TTN: variants seen among roughly 807,000 people sequenced by gnomAD.
TTN encodes titin.
TTN carries 1,525 observed loss-of-function variants against 3,223.0 expected under a neutral mutation model. That is an observed-to-expected ratio of 0.47 (90% CI 0.45 to 0.49). TTN has a LOEUF of 0.49. Ranked by LOEUF, TTN falls within the 20% of genes least tolerant of loss-of-function variation. TTN has a pLI of 0.00. For synonymous variants in TTN, 14,094 were observed against 15,161.0 expected (o/e 0.93, Z 5.17); for missense variants, 40,786 against 43,424.0 (o/e 0.94, Z 5.40).
At chr2:178,644,383 A>G (rs2154241879) in intron 218 of TTN, 165 bp downstream of exon 218, 1 of 514,642 alleles carries the variant, frequency 1.9e-6, no homozygotes, top group East Asian at 3.5e-5. Context: ...AAAGGAAGCA[A>G]CACTCATGAG....
At position 178,572,891 on chromosome 2, in the gene TTN, G is replaced by C. The variant is rs769320646; in HGVS notation, c.73241C>G (p.Pro24414Arg). The C allele has an allele frequency of 1.9e-6, 3 of 1,613,400 alleles. No individual in the cohort carries two copies. The highest frequency in any genetic ancestry group is 2.5e-6 in the Non-Finnish European group (3 of 1,179,594). The change falls in exon 326 of 363, where the codon CCT becomes CGT. Residue 24414 changes from proline (P) to arginine (R), a missense_variant. Coordinates refer to ENST00000589042, the MANE Select transcript of TTN (RefSeq NM_001267550.2). ...TCTGTCTTCAGCCTTTGGAGTTCCA[G>C]GAACAAGGGCAGGTTCCCCAAGTCC... ...SEGLGEPALVPGTPKAEDRML... is the reference protein window; with the variant it reads ...SEGLGEPALVRGTPKAEDRML...
chr2:178,735,056 A>G (rs2081212912), intron 50 of TTN, 68 bp from the exon 51 acceptor site: 7 of 1,448,392 alleles, frequency 4.8e-6, no homozygotes, highest in Non-Finnish European at 6.4e-6. Context: ...AAAGAAAAGT[A>G]GACATATACA....
In TTN at chr2:178,601,185, TAAAG is replaced by T. The variant is rs761055861; in HGVS notation, c.55733-18_55733-15del. 1.4e-5 allele frequency: 21 copies of T among 1,520,986 alleles called. No individual in the cohort carries two copies. In the East Asian group the frequency reaches 4.6e-4, roughly 33 times the overall value. 94.2% of individuals were successfully genotyped at this position (1,520,986 alleles called of 1,614,324 possible). On this transcript the variant is annotated splice_polypyrimidine_tract_variant and intron_variant, in intron 287 of 362. Coordinates refer to ENST00000589042, the MANE Select transcript of TTN (RefSeq NM_001267550.2). The stretch of plus-strand genomic sequence containing the variant: ...GATCAGGAGGATCTGTAAAAATAAT[TAAAG>T]GAAGTATTAAGCGTTGTTTATAATA...
At position 178,637,392 on chromosome 2, in the gene TTN, G is replaced by A. The variant is rs2060634848; in HGVS notation, c.40904C>T (p.Ala13635Val). 6.8e-7 allele frequency: 1 copy of A among 1,475,628 alleles called. No individual in the cohort carries two copies. The highest frequency in any genetic ancestry group is 1.5e-5 in the South Asian group (1 of 64,938). 91.4% of individuals were successfully genotyped at this position (1,475,628 alleles called of 1,614,324 possible). A position where few individuals can be genotyped will look rare whatever the true frequency, so the allele number is the denominator to read the frequency against. Residue 13635 changes from alanine to valine, a missense_variant, in exon 224 of 363, where the codon GCC (alanine) becomes GTC (valine). Ala to Val is a moderately conservative substitution (Grantham distance 64). Coordinates refer to ENST00000589042, the MANE Select transcript of TTN (RefSeq NM_001267550.2). ...AEAKAPKEEA[A>V]KPKGPIKGVP... ...ACCTTTGATAGGACCTTTTGGCTTG[G>A]CAGCCTCTTCCTTAGGTGCTTTGGC...
rs1461584789 is a variant in TTN at position 178,590,341 on chromosome 2, C to T, written c.61384G>A (p.Ala20462Thr). Residue 20462 changes from alanine to threonine, a missense_variant, in exon 304 of 363, where the codon GCA becomes ACA. Transcript: ENST00000589042. ...ATATCTTTTGCAATCACAGATTCTGCTAGTTCTCTTGGCTCACCCTCTCCT... is the reference window on the plus strand; with the variant it reads ...ATATCTTTTGCAATCACAGATTCTGTTAGTTCTCTTGGCTCACCCTCTCCT... ...IVGEGEPREL[A>T]ESVIAKDILH... The T allele has an allele frequency of 2.5e-6, 4 of 1,572,666 alleles. No homozygotes were observed. The highest frequency in any genetic ancestry group is 2.7e-5 in the African/African-American group (2 of 73,772).
At chr2:178,727,934 A>G (rs2079642382) in intron 67 of TTN, 71 bp from the exon 68 acceptor site, 1 of 1,467,372 alleles carries the variant, frequency 6.8e-7, no homozygotes, top group Non-Finnish European at 9.0e-7. Flanking sequence ...TTTTATGGAC[A>G]TTTAAGAAAA....
chr2:178,570,132 T>G lies in TTN; in HGVS notation c.76000A>C (p.Ser25334Arg). 6.2e-7 allele frequency: 1 copy of G among 1,613,518 alleles called. No individual in the cohort carries two copies. The highest frequency in any genetic ancestry group is 8.5e-7 in the Non-Finnish European group (1 of 1,179,602). The change falls in exon 326 of 363, where the codon AGT becomes CGT. Residue 25334 changes from serine to arginine, a missense_variant. Coordinates refer to ENST00000589042, the MANE Select transcript of TTN (RefSeq NM_001267550.2). ...VWERPASDGGSEILGYVLEKR... is the reference protein window; with the variant it reads ...VWERPASDGGREILGYVLEKR... ...TCAAGAACATATCCAAGAATTTCAC[T>G]ACCACCATCAGATGCTGGTCTTTCC...
At position 178,651,827 on chromosome 2, in the gene TTN, C is replaced by A. The variant is rs2063034599; in HGVS notation, c.39379+57G>T. On this transcript the variant is annotated intron_variant, in intron 205 of 362. Coordinates refer to ENST00000589042, the MANE Select transcript of TTN (RefSeq NM_001267550.2). ...AAAAGCTCAGAGCACCCAGAATTAT[C>A]AGGGCAGGAAGGGGAAAGAGTGGCC... The A allele has an allele frequency of 6.2e-6, 10 of 1,601,656 alleles. No individual in the cohort carries two copies. In the South Asian group the frequency reaches 1.0e-4, roughly 16 times the overall value.
chr2:178,744,820 T>C (rs2083173656), intron 47 of TTN: 6 of 985,130 alleles, frequency 6.1e-6, no homozygotes, highest in Non-Finnish European at 7.2e-6. Flanking sequence ...CTTGATGTCA[T>C]CTCAAAAATG....
At chr2:178,615,248 A>G in intron 259 of TTN, 59 bp downstream of exon 259, 1 of 1,576,590 alleles carries the variant, frequency 6.3e-7, no homozygotes, top group Non-Finnish European at 8.6e-7. Context: ...TTTCCCCAAC[A>G]AAGCCCATTT....
Position 178,620,499 on chromosome 2 carries a change from ACTT to A in TTN, c.46019_46021del (p.Glu15340del), listed in dbSNP as rs780098856. On this transcript the variant is annotated inframe_deletion, in exon 248 of 363. Coordinates refer to ENST00000589042, the MANE Select transcript of TTN (RefSeq NM_001267550.2). Reference sequence around the variant, plus strand: ...GTATGAGACACGGTTGTCAAAAGGCACTTCTTCACCATTTTTGGTCCACTTCAG... The same window carrying A: ...GTATGAGACACGGTTGTCAAAAGGCACTTCACCATTTTTGGTCCACTTCAG... 7.4e-6 allele frequency: 12 copies of A among 1,612,298 alleles called. No individual in the cohort carries two copies. Among genetic ancestry groups the A allele is most frequent in the Non-Finnish European group, 1.0e-5 (12 of 1,179,000 alleles).
At chr2:178,743,831 AATT>A (rs2082936315) in intron 47 of TTN, among the ~76,000 whole-genome samples, 1 of 152,026 alleles carries the variant, frequency 6.6e-6, no homozygotes, top group East Asian at 1.9e-4. Flanking sequence ...TTATGTCTAT[AATT>A]ATTATCACAG....
rs74607159 is a variant in TTN, at chr2:178,734,747, G to A, written c.15177C>T (p.Asp5059=). ...SGSYSCEAVN[D]VGSDSCSTEI... ...CAGTACTGCAGCTATCACTGCCGAC[G>A]TCATTCACTGCTTCACATGAGTAAC... Residue 5059 remains aspartate (D), a synonymous_variant, in exon 51 of 363, where the codon GAC becomes GAT. Coordinates refer to ENST00000589042, the MANE Select transcript of TTN (RefSeq NM_001267550.2). The A allele has an allele frequency of 2.7e-5, 43 of 1,613,334 alleles. No individual in the cohort carries two copies. The highest frequency in any genetic ancestry group is 1.1e-4 in the East Asian group (5 of 44,868).
chr2:178,804,586 C>T lies in TTN; in HGVS notation c.57G>A (p.Glu19=). The T allele has an allele frequency of 1.2e-6, 2 of 1,614,024 alleles. No individual in the cohort carries two copies. Among genetic ancestry groups the T allele is most frequent in the Admixed American group, 1.7e-5 (1 of 60,016 alleles). Residue 19 remains glutamate, a synonymous_variant, in exon 2 of 363, where the codon GAG becomes GAA. Transcript: ENST00000589042. The part of the protein sequence containing the change: ...TQPLQSVVVL[E]GSTATFEAHI... ...GAGCCTCAAAGGTTGCGGTACTACCCTCCAGTACCACAACGCTTTGTAACG... is the reference window on the plus strand; with the variant it reads ...GAGCCTCAAAGGTTGCGGTACTACCTTCCAGTACCACAACGCTTTGTAACG...
rs2077094217 is a variant in TTN, at chr2:178,714,061, T to C, written c.26597A>G (p.Asp8866Gly). The C allele has an allele frequency of 6.2e-7, 1 of 1,613,642 alleles. No homozygotes were observed. Among genetic ancestry groups the C allele is most frequent in the East Asian group, 2.2e-5 (1 of 44,852 alleles). ...GTTGTCACTTGTTAGCTCTTTTCCA[T>C]CCTTAAACCACTTAGTACTGAGTTC... ...TPELSTKWFK[D>G]GKELTSDNKY... is the part of the protein sequence containing the mutation. The change falls in exon 92 of 363, where the codon GAT becomes GGT. Residue 8866 changes from aspartate to glycine, a missense_variant. Coordinates refer to ENST00000589042, the MANE Select transcript of TTN (RefSeq NM_001267550.2).
chr2:178,743,130 T>C (rs2082800265), intron 47 of TTN, among the ~76,000 whole-genome samples: 1 of 152,030 alleles, frequency 6.6e-6, no homozygotes, highest in African/African-American at 2.4e-5. Flanking sequence ...TGAATACAGT[T>C]AAAATACCCT....
Position 178,601,017 on chromosome 2 carries a change from T to C in TTN, c.55887A>G (p.Glu18629=). 6.2e-7 allele frequency: 1 copy of C among 1,613,080 alleles called. No individual in the cohort carries two copies. Among genetic ancestry groups the C allele is most frequent in the Non-Finnish European group, 8.5e-7 (1 of 1,179,370 alleles). The part of the protein sequence containing the change: ...LAWDPTGTKK[E]AWRQCNKRDV... The stretch of plus-strand genomic sequence containing the variant: ...CACGCTTATTGCACTGCCTCCAGGC[T>C]TCTTTCTTTGTCCCAGTAGGGTCCC... The change falls in exon 288 of 363, where the codon GAA becomes GAG. Residue 18629 remains glutamate (E), a synonymous_variant. Coordinates refer to ENST00000589042, the MANE Select transcript of TTN (RefSeq NM_001267550.2).
chr2:178,556,080 G>T (rs1331123898), intron 330 of TTN: 1 of 152,182 alleles, frequency 6.6e-6, no homozygotes, highest in East Asian at 1.9e-4. Context: ...CTAAGGGAAA[G>T]AATTCATGAA....
In TTN at chr2:178,543,801, C is replaced by A. The variant is rs573612152; in HGVS notation, c.96310+33G>T. 1.7e-5 allele frequency: 27 copies of A among 1,608,018 alleles called. No homozygotes were observed. The East Asian group carries it at 3.1e-4, about 19-fold the overall frequency. On this transcript the variant is annotated intron_variant, in intron 346 of 362. Transcript: ENST00000589042. Reference sequence around the variant, plus strand: ...GCTATATTGTTTTAGAGGATCTACTCATTGTATAGCCAATTTTAAGTAAAA... The same window carrying A: ...GCTATATTGTTTTAGAGGATCTACTAATTGTATAGCCAATTTTAAGTAAAA...
Sources: allele counts gnomAD v4.1 joint callset (sites outside exome capture counted in the v4.1 genomes callset), GRCh38; gene constraint gnomAD v4.1.1; transcripts MANE v1.5; gene names NCBI Gene and HGNC (gene_info 2026-07-23, HGNC 2026-07-21).